The following RXRG variants were observed in gnomAD, a reference collection of about 807,000 sequenced individuals.
RXRG encodes the protein retinoid X receptor gamma.
A neutral mutation model predicts 49.2 loss-of-function variants in RXRG; 19 were observed. The ratio of observed to expected loss-of-function variants is 0.39; its 90% CI spans 0.27 to 0.57. The LOEUF (loss-of-function observed/expected upper bound fraction) is 0.57, where lower values mean the gene tolerates loss of function less well. Among genes scored for constraint, RXRG ranks in the 20% least tolerant of loss-of-function variants. The probability of loss-of-function intolerance (pLI) is 0.64; values close to 1 mark genes in which losing one functional copy is unlikely to be tolerated. For synonymous variants in RXRG, 224 were observed against 216.6 expected (o/e 1.03, Z -0.30); for missense variants, 452 against 592.5 (o/e 0.76, Z 2.46).
At chr1:165,437,152 C>T in intron 1 of RXRG, 2 of 1,367,760 alleles carry the variant, frequency 1.5e-6, no homozygotes, top group South Asian at 2.3e-5. Flanking sequence ...TCTGTTTTCA[C>T]AGCCCTAGCG....
At chr1:165,423,707 G>C (rs1658395970) in intron 2 of RXRG, among the ~76,000 whole-genome samples, 1 of 151,838 alleles carries the variant, frequency 6.6e-6, no homozygotes. Context: ...TGTTGCTGGG[G>C]GCGGTGGGGA....
At chr1:165,402,234 A>T (rs1406937597) in intron 9 of RXRG, among the ~76,000 whole-genome samples, 1 of 152,078 alleles carries the variant, frequency 6.6e-6, no homozygotes, top group Admixed American at 6.5e-5. Context: ...ACAGGCTCCC[A>T]CCACAATGCC....
At chr1:165,425,977 C>T (rs1464170918) in intron 2 of RXRG, among the ~76,000 whole-genome samples, 1 of 152,216 alleles carries the variant, frequency 6.6e-6, no homozygotes, top group Non-Finnish European at 1.5e-5. Flanking sequence ...GGGTTGTGAA[C>T]ACAGGGCTGC....
intron 1 of RXRG, among the ~76,000 whole-genome samples, chr1:165,430,761 T>C (rs570840492): frequency 6.6e-6 from 1 of 152,384 alleles, no homozygotes; most frequent in South Asian, 2.1e-4. Context: ...TTTCCATAAC[T>C]CTTTATCCTG....
At chr1:165,422,010 G>T (rs142191998) in intron 2 of RXRG, among the ~76,000 whole-genome samples, 189 of 152,274 alleles carry the variant, frequency 1.2e-3, no homozygotes, top group Non-Finnish European at 2.3e-3. Flanking sequence ...CCCACAGAGA[G>T]AGCCCTCTAG....
In RXRG at chr1:165,428,873, G is replaced by A. The variant is rs1258198482; in HGVS notation, c.143C>T (p.Thr48Ile). The change falls in exon 2 of 10, where the codon ACC becomes ATC. Residue 48 changes from threonine (T) to isoleucine (I), a missense_variant. By Grantham distance (89) the Thr-to-Ile change is moderately conservative (BLOSUM62 -1). Transcript: ENST00000359842. ...PMDSHPSYTD[T>I]PVSAPRTLSA... ...CAGAGTCCGTGGGGCACTCACTGGG[G>A]TATCTGTGTAGCTGGGGTGGCTGTC... 8 of 1,613,994 alleles carry A rather than the reference G, an allele frequency of 5.0e-6. No individual in the cohort carries two copies. Among genetic ancestry groups the A allele is most frequent in the East Asian group, 2.2e-5 (1 of 44,872 alleles).
At chr1:165,434,327 T>A in intron 1 of RXRG, among the ~76,000 whole-genome samples, 1 of 131,278 alleles carries the variant, frequency 7.6e-6, no homozygotes, top group African/African-American at 3.0e-5. Context: ...AGAGACTTAC[T>A]GAGAAAGGGG....
At chr1:165,420,140 G>T in intron 2 of RXRG, 126 bp from the exon 3 acceptor site, 1 of 730,954 alleles carries the variant, frequency 1.4e-6, no homozygotes, top group Non-Finnish European at 2.0e-6. Context: ...CAAGTACAGA[G>T]TATTTGAAAC....
rs112026536 is a variant in RXRG at position 165,427,457 on chromosome 1, C to T, written c.297+1262G>A. ...TTGTTTTGTTTTGTTTTGTTTGAGA[C>T]GGAGTCTCGCTCTGTTGCCCAAGCT... On this transcript the variant is annotated intron_variant, in intron 2 of 9. Coordinates refer to ENST00000359842, the MANE Select transcript of RXRG (RefSeq NM_006917.5). 6.2e-3 allele frequency among the ~76,000 whole-genome samples: 935 copies of T among 150,052 alleles called. 12 individuals carry two copies. Among genetic ancestry groups the T allele is most frequent in the African/African-American group, 0.021 (854 of 40,682 alleles).
In RXRG at chr1:165,439,238, C is replaced by T. The variant is rs549135285; in HGVS notation, c.49+5607G>A. Among the ~76,000 whole-genome samples, 396 of 133,184 alleles carry T rather than the reference C, an allele frequency of 3.0e-3. 1 individual carries two copies. The highest frequency in any genetic ancestry group is 0.011 in the African/African-American group (372 of 34,690). 87.4% of individuals were successfully genotyped at this position (133,184 alleles called of 152,430 possible). On this transcript the variant is annotated intron_variant, in intron 1 of 9. Transcript: ENST00000359842. Reference sequence around the variant, plus strand: ...AATCTTTCCCTGCTTTTCACTACCTCCATCATTACAGATTTTAGGGGAGGG... The same window carrying T: ...AATCTTTCCCTGCTTTTCACTACCTTCATCATTACAGATTTTAGGGGAGGG...
In RXRG at chr1:165,409,502, C is replaced by G. The variant is rs1200665928; in HGVS notation, c.1046+56G>C. 6 of 1,332,782 alleles carry G rather than the reference C, an allele frequency of 4.5e-6. No individual in the cohort carries two copies. The South Asian group carries it at 1.4e-4, about 31-fold the overall frequency. The allele number at this position is 1,332,782 out of a possible 1,614,324, so 82.6% of individuals were successfully genotyped here. A position where few individuals can be genotyped will look rare whatever the true frequency, so the allele number is the denominator to read the frequency against. On this transcript the variant is annotated intron_variant, in intron 7 of 9. Coordinates refer to ENST00000359842, the MANE Select transcript of RXRG (RefSeq NM_006917.5). ...ATGTACACATGTGTATACACACACA[C>G]ACACACACACACACACACATAATAC...
intron 4 of RXRG, among the ~76,000 whole-genome samples, chr1:165,414,561 T>C (rs1431960073): frequency 6.6e-6 from 1 of 152,210 alleles, no homozygotes; most frequent in East Asian, 1.9e-4. Flanking sequence ...TAATGAAAAC[T>C]GTTACTGTTC....
chr1:165,433,172 G>A (rs912824143), intron 1 of RXRG, among the ~76,000 whole-genome samples: 2 of 152,058 alleles, frequency 1.3e-5, no homozygotes, highest in Non-Finnish European at 2.9e-5. Flanking sequence ...CTTCCATCAT[G>A]TGAGGCACCA....
chr1:165,413,753 G>A lies in RXRG; in HGVS notation c.623-2644C>T, dbSNP rs1348049095. Among the ~76,000 whole-genome samples, 4 of 151,870 alleles carry A rather than the reference G, an allele frequency of 2.6e-5. No individual in the cohort carries two copies. The East Asian group carries it at 7.7e-4, about 29-fold the overall frequency. On this transcript the variant is annotated intron_variant, in intron 4 of 9. Coordinates refer to ENST00000359842, the MANE Select transcript of RXRG (RefSeq NM_006917.5). ...TCAGAGGGTCCCAGTCCTATACAGG[G>A]TCTGCCATGTGCTTGCTGTGTGGGC...
At chr1:165,418,950 A>C (rs1658222250) in intron 3 of RXRG, among the ~76,000 whole-genome samples, 1 of 152,260 alleles carries the variant, frequency 6.6e-6, no homozygotes, top group Non-Finnish European at 1.5e-5. Context: ...ATGGAGTGAC[A>C]TTCTTTAGTG....
At chr1:165,443,521 C>T (rs1007582551) in intron 1 of RXRG, among the ~76,000 whole-genome samples, 2 of 152,192 alleles carry the variant, frequency 1.3e-5, no homozygotes, top group Non-Finnish European at 2.9e-5. Context: ...ATGGCCCTCA[C>T]CCCAAGTCCA....
At chr1:165,432,466 A>G (rs1658699280) in intron 1 of RXRG, among the ~76,000 whole-genome samples, 2 of 152,256 alleles carry the variant, frequency 1.3e-5, no homozygotes, top group African/African-American at 4.8e-5. Context: ...GACAAGTTAG[A>G]AAACAACAAC....
At chr1:165,434,569 A>G (rs1477526916) in intron 1 of RXRG, among the ~76,000 whole-genome samples, 1 of 152,220 alleles carries the variant, frequency 6.6e-6, no homozygotes. Context: ...GAAACTTGTA[A>G]TGAATCATTG....
chr1:165,425,844 G>A (rs1658469139), intron 2 of RXRG, among the ~76,000 whole-genome samples: 2 of 152,204 alleles, frequency 1.3e-5, no homozygotes, highest in South Asian at 4.1e-4. Context: ...GCATAATGTG[G>A]CCACCTCTCC....
Sources: allele counts gnomAD v4.1 joint callset (sites outside exome capture counted in the v4.1 genomes callset), GRCh38; gene constraint gnomAD v4.1.1; transcripts MANE v1.5; gene names NCBI Gene and HGNC (gene_info 2026-07-23, HGNC 2026-07-21).